Variants in HEATR3 observed in about 807,000 individuals in gnomAD.
HEATR3 encodes HEAT repeat containing 3.
Under a neutral mutation model 72.8 loss-of-function variants are expected in HEATR3, and 56 were observed. The ratio of observed to expected loss-of-function variants is 0.77; its 90% confidence interval spans 0.62 to 0.96. The LOEUF is 0.96. HEATR3 is among the 40% of genes least tolerant of loss of function. The pLI, the probability that HEATR3 is intolerant of heterozygous loss-of-function variation, is 0.00. For synonymous variants in HEATR3, 331 were observed against 318.1 expected (o/e 1.04, Z -0.43); for missense variants, 747 against 831.4 (o/e 0.90, Z 1.25).
At position 50,100,300 on chromosome 16, in the gene HEATR3, T is replaced by G. The variant is rs745757284; in HGVS notation, c.1670T>G (p.Val557Gly). ...CATAGTAGTAATGTCGGGGTTAGAG[T>G]GAATGTCGTTAGCATTTTAGGAATC... ...GIHSSNVGVRVNVVSILGITG... is the reference protein window; with the variant it reads ...GIHSSNVGVRGNVVSILGITG... Residue 557 changes from valine (V) to glycine (G), a missense_variant, in exon 13 of 15, where the codon GTG becomes GGG. Val to Gly is a moderately radical substitution (Grantham distance 109, BLOSUM62 -3). This residue lies in a region of HEATR3 where 586 missense variants were observed against 708.8 expected (regional missense o/e 0.83). Coordinates refer to ENST00000299192, the MANE Select transcript of HEATR3 (RefSeq NM_182922.4). 1.2e-5 allele frequency: 20 copies of G among 1,614,018 alleles called. No individual in the cohort carries two copies. The highest frequency in any genetic ancestry group is 1.7e-5 in the Non-Finnish European group (20 of 1,179,952).
At chr16:50,094,467 A>ATAC (rs1373963345) in intron 11 of HEATR3, among the ~76,000 whole-genome samples, 2 of 152,244 alleles carry the variant, frequency 1.3e-5, no homozygotes, top group Non-Finnish European at 1.5e-5. Flanking sequence ...GACTGTCTGT[A>ATAC]GAACACCTCC....
intron 4 of HEATR3, among the ~76,000 whole-genome samples, chr16:50,071,158 C>T (rs932947603): frequency 2.0e-5 from 3 of 152,332 alleles, no homozygotes; most frequent in South Asian, 4.1e-4. Flanking sequence ...TGGCTAGAAA[C>T]ACAACCTGGA....
Position 50,070,220 on chromosome 16 carries a change from A to G in HEATR3, c.442A>G (p.Lys148Glu), listed in dbSNP as rs761588426. Residue 148 changes from lysine to glutamate, a missense_variant, in exon 4 of 15, where the codon AAA becomes GAA. Physicochemically the swap from Lys to Glu is moderately conservative, Grantham distance 56 (BLOSUM62 1). Coordinates refer to ENST00000299192, the MANE Select transcript of HEATR3 (RefSeq NM_182922.4). ...TTCAAATGAGATGTCTCTGCAGGAG[A>G]AAAAAGATCAGAACAGAAATTCTAT... ...LDSNEMSLQE[K>E]KDQNRNSIEN... 1.9e-6 allele frequency: 3 copies of G among 1,609,890 alleles called. No homozygotes were observed. The highest frequency in any genetic ancestry group is 2.7e-5 in the African/African-American group (2 of 74,984).
intron 6 of HEATR3, among the ~76,000 whole-genome samples, chr16:50,077,743 C>T (rs529001632): frequency 5.9e-5 from 9 of 152,226 alleles, no homozygotes; most frequent in African/African-American, 2.2e-4. Context: ...GAAATTCCTT[C>T]CTTTTTAATG....
At chr16:50,067,615 TAACTC>T (rs55646814) in intron 2 of HEATR3, among the ~76,000 whole-genome samples, 103,411 of 151,544 alleles carry the variant, frequency 0.68, 35,532 homozygotes, top group South Asian at 0.72. Context: ...GCTGAGGACT[TAACTC>T]TAAGCAGGGA....
chr16:50,090,218 G>A (rs2037079317), intron 11 of HEATR3, among the ~76,000 whole-genome samples: 1 of 152,146 alleles, frequency 6.6e-6, no homozygotes, highest in African/African-American at 2.4e-5. Context: ...TTAGCCAGGA[G>A]TGGTATCTTG....
At chr16:50,074,974 TCC>T (rs2036691411) in intron 5 of HEATR3, 1 of 113,216 alleles carries the variant, frequency 8.8e-6, no homozygotes, top group African/African-American at 2.6e-5. Context: ...AGAGCGAGAC[TCC>T]ATCTCAAAAA....
At chr16:50,073,795 C>T (rs2036664094) in intron 5 of HEATR3, 1 of 151,952 alleles carries the variant, frequency 6.6e-6, no homozygotes, top group Admixed American at 6.5e-5. Flanking sequence ...CCTTAATGAG[C>T]GTTTTTGAAA....
In HEATR3 at chr16:50,105,156, T is replaced by A. The variant is rs536803767; in HGVS notation, c.*95T>A. ...GAATGTATATGTTTCTGAAAGTCAT[T>A]TTTTAATGATTACATTCTGTACATT... is the stretch of plus-strand genomic sequence containing the variant. On this transcript the variant is annotated 3_prime_UTR_variant, in exon 15 of 15. Coordinates refer to ENST00000299192, the MANE Select transcript of HEATR3 (RefSeq NM_182922.4). The A allele has an allele frequency of 9.9e-6, 13 of 1,317,774 alleles. No individual in the cohort carries two copies. In the African/African-American group the frequency reaches 1.5e-4, roughly 15 times the overall value. 81.6% of individuals were successfully genotyped at this position (1,317,774 alleles called of 1,614,324 possible). A position where few individuals can be genotyped will look rare whatever the true frequency, so the allele number is the denominator to read the frequency against.
chr16:50,101,170 G>A (rs2037357425), intron 13 of HEATR3, among the ~76,000 whole-genome samples: 1 of 149,182 alleles, frequency 6.7e-6, no homozygotes, highest in Non-Finnish European at 1.5e-5. Flanking sequence ...GTACAGTAGT[G>A]CAGTAGTGTG....
intron 5 of HEATR3, 105 bp from the exon 6 acceptor site, chr16:50,075,466 C>A: frequency 1.9e-6 from 2 of 1,068,918 alleles, no homozygotes; most frequent in Non-Finnish European, 2.8e-6. Context: ...CTACATGTGT[C>A]TAATGAAGTG....
At chr16:50,090,872 C>T (rs576422375) in intron 11 of HEATR3, among the ~76,000 whole-genome samples, 4 of 152,236 alleles carry the variant, frequency 2.6e-5, no homozygotes, top group Non-Finnish European at 4.4e-5. Flanking sequence ...TGGCTGGGCG[C>T]GGTGGCTCAC....
chr16:50,076,172 G>GT (rs1192910563), intron 6 of HEATR3, among the ~76,000 whole-genome samples: 2 of 79,452 alleles, frequency 2.5e-5, no homozygotes, highest in East Asian at 6.6e-4. Flanking sequence ...TATGTTGAGA[G>GT]ATTTTTTTTT....
Position 50,092,521 on chromosome 16 carries a change from C to T in HEATR3, c.1511-2184C>T, listed in dbSNP as rs1194525627. 2.1e-5 allele frequency among the ~76,000 whole-genome samples: 3 copies of T among 144,792 alleles called. 1 individual carries two copies. The highest frequency in any genetic ancestry group is 1.5e-4 in the Admixed American group (2 of 13,760). The allele number at this position is 144,792 out of a possible 152,430, so 95.0% of individuals were successfully genotyped here. On this transcript the variant is annotated intron_variant, in intron 11 of 14. Coordinates refer to ENST00000299192, the MANE Select transcript of HEATR3 (RefSeq NM_182922.4). ...GCGCGATCTCGGCTCACTGCAAGCT[C>T]CGCCTCCCGGGTTCATGCCATTCTC...
At chr16:50,099,736 G>A (rs975825413) in intron 12 of HEATR3, among the ~76,000 whole-genome samples, 2 of 152,274 alleles carry the variant, frequency 1.3e-5, no homozygotes, top group African/African-American at 4.8e-5. Context: ...GAGCCACCGC[G>A]CCCAGCCTTA....
intron 6 of HEATR3, among the ~76,000 whole-genome samples, chr16:50,077,850 A>G (rs1369791861): frequency 1.3e-5 from 2 of 149,024 alleles, no homozygotes; most frequent in Non-Finnish European, 3.0e-5. Context: ...GGATATTGTG[A>G]ATACGGCTGC....
chr16:50,100,486 A>C, intron 13 of HEATR3, 113 bp downstream of exon 13: 1 of 1,059,778 alleles, frequency 9.4e-7, no homozygotes, highest in Non-Finnish European at 1.4e-6. Flanking sequence ...AGTCATATCA[A>C]GTTGCTTTAT....
chr16:50,086,999 TTAATA>T (rs1378653166), intron 11 of HEATR3, among the ~76,000 whole-genome samples: 1 of 152,202 alleles, frequency 6.6e-6, no homozygotes. Context: ...TTAAGTTTGA[TTAATA>T]TATGTATGTA....
chr16:50,091,103 C>T (rs550122507), intron 11 of HEATR3, among the ~76,000 whole-genome samples: 17 of 151,710 alleles, frequency 1.1e-4, no homozygotes, highest in African/African-American at 3.6e-4. Context: ...AAGATTGCAC[C>T]ACTGCACTCC....
Sources: allele counts gnomAD v4.1 joint callset (sites outside exome capture counted in the v4.1 genomes callset), GRCh38; gene constraint gnomAD v4.1.1; regional missense constraint gnomAD v4.1.1; transcripts MANE v1.5; gene names NCBI Gene and HGNC (gene_info 2026-07-23, HGNC 2026-07-21).